NWD1: variants seen among roughly 807,000 people sequenced by gnomAD.
The protein encoded by NWD1 is NACHT and WD repeat domain containing 1.
NWD1 carries 129 observed loss-of-function variants against 135.1 expected under a neutral mutation model. The ratio of observed to expected loss-of-function variants is 0.96; its 90% CI spans 0.83 to 1.11. NWD1 has a LOEUF of 1.11. Among genes scored for constraint, NWD1 ranks in the 50% least tolerant of loss-of-function variants. The probability of loss-of-function intolerance (pLI) is 0.00; values close to 1 mark genes in which losing one functional copy is unlikely to be tolerated. For missense variants in NWD1, 1,740 were observed against 1,851.3 expected (o/e 0.94, Z 1.10); for synonymous variants, 773 against 786.0 (o/e 0.98, Z 0.28).
chr19:16,746,743 T>C (rs571278356), intron 5 of NWD1, among the ~76,000 whole-genome samples: 2 of 151,506 alleles, frequency 1.3e-5, no homozygotes, highest in Admixed American at 6.6e-5. Context: ...ATCTATCATA[T>C]CCTGTTTTCT....
At chr19:16,807,437 G>A in intron 17 of NWD1, 149 bp from the exon 18 acceptor site, 1 of 597,928 alleles carries the variant, frequency 1.7e-6, no homozygotes, top group South Asian at 3.0e-5. Flanking sequence ...AGGTTACGGT[G>A]ACCTGAGATC....
intron 11 of NWD1, among the ~76,000 whole-genome samples, chr19:16,777,840 G>C (rs1344885772): frequency 1.3e-5 from 1 of 79,640 alleles, no homozygotes; most frequent in East Asian, 4.4e-4. Flanking sequence ...GGGAGAGAAG[G>C]GGAGGGGAAA....
chr19:16,762,605 A>C (rs1220411011), intron 8 of NWD1, among the ~76,000 whole-genome samples: 2 of 152,150 alleles, frequency 1.3e-5, no homozygotes, highest in Non-Finnish European at 2.9e-5. Context: ...CTTCTCCCTG[A>C]TGTTAAAATC....
In NWD1 at chr19:16,773,104, AGT is replaced by A. The variant is rs531382907; in HGVS notation, c.2411-21_2411-20del. Reference sequence around the variant, plus strand: ...AGAGGGGGCTCAATCCAGGCAACTTAGTCTACATCCCTTTGTTGCAGAGAGGA... The same window carrying A: ...AGAGGGGGCTCAATCCAGGCAACTTACTACATCCCTTTGTTGCAGAGAGGA... On this transcript the variant is annotated intron_variant, in intron 10 of 18. Transcript: ENST00000524140. 304 of 1,610,458 alleles carry A rather than the reference AGT, an allele frequency of 1.9e-4. No individual in the cohort carries two copies. In the African/African-American group the frequency reaches 3.5e-3, roughly 18 times the overall value.
Position 16,815,543 on chromosome 19 carries a change from T to C in NWD1, c.*504T>C. ...ACTTGCCACCCCCAGGTTAGCAACA[T>C]GGTGGCCAATATGCTGCTGTCTCCA... On this transcript the variant is annotated 3_prime_UTR_variant, in exon 19 of 19. Transcript: ENST00000524140. 1 of 527,610 alleles carries C rather than the reference T, an allele frequency of 1.9e-6. No individual in the cohort carries two copies. Among genetic ancestry groups the C allele is most frequent in the South Asian group, 2.3e-5 (1 of 42,730 alleles). 32.7% of individuals were successfully genotyped at this position (527,610 alleles called of 1,614,324 possible).
At position 16,773,125 on chromosome 19, in the gene NWD1, G is replaced by A. The variant is rs1171510397; in HGVS notation, c.2411-1G>A. ...ACTTAGTCTACATCCCTTTGTTGCA[G>A]AGAGGAGCCTCCTGTACACAGAACT... On this transcript the variant is annotated splice_acceptor_variant, in intron 10 of 18. Coordinates refer to ENST00000524140, the MANE Select transcript of NWD1 (RefSeq NM_001007525.5). LOFTEE classifies it high-confidence loss of function. 2 of 1,613,672 alleles carry A rather than the reference G, an allele frequency of 1.2e-6. No homozygotes were observed. The highest frequency in any genetic ancestry group is 1.7e-6 in the Non-Finnish European group (2 of 1,179,920).
chr19:16,787,905 A>C, intron 12 of NWD1, among the ~76,000 whole-genome samples: 1 of 87,726 alleles, frequency 1.1e-5, no homozygotes, highest in African/African-American at 5.9e-5. Context: ...AATAATAATA[A>C]TCATCATCAT....
intron 13 of NWD1, among the ~76,000 whole-genome samples, 165 bp from the exon 14 acceptor site, chr19:16,791,185 G>T (rs1970232225): frequency 6.6e-6 from 1 of 152,132 alleles, no homozygotes; most frequent in African/African-American, 2.4e-5. Context: ...AGTGAGCCAT[G>T]ATTGCACCAC....
At position 16,815,414 on chromosome 19, in the gene NWD1, GT is replaced by G. The variant is rs1448519511; in HGVS notation, c.*378del. On this transcript the variant is annotated 3_prime_UTR_variant, in exon 19 of 19. Transcript: ENST00000524140. Reference sequence around the variant, plus strand: ...AATCTAGTTAAAGCAAAAAGAATACGTTTGCTGGTGTATATCTGGACCCATG... The same window carrying G: ...AATCTAGTTAAAGCAAAAAGAATACGTTGCTGGTGTATATCTGGACCCATG... The G allele has an allele frequency of 3.2e-6, 2 of 621,748 alleles. No individual in the cohort carries two copies. Among genetic ancestry groups the G allele is most frequent in the African/African-American group, 3.7e-5 (2 of 54,094 alleles). The allele number at this position is 621,748 out of a possible 1,614,324, so 38.5% of individuals were successfully genotyped here.
intron 16 of NWD1, among the ~76,000 whole-genome samples, 167 bp downstream of exon 16, chr19:16,798,053 G>A (rs1970479062): frequency 6.6e-6 from 1 of 152,166 alleles, no homozygotes; most frequent in East Asian, 1.9e-4. Flanking sequence ...CCCAGTGGCA[G>A]ACCTGGGTGA....
At chr19:16,768,456 A>T (rs1969305214) in intron 10 of NWD1, among the ~76,000 whole-genome samples, 2 of 152,222 alleles carry the variant, frequency 1.3e-5, no homozygotes, top group African/African-American at 4.8e-5. Flanking sequence ...TCACTAGATC[A>T]CATGGAAATT....
intron 18 of NWD1, chr19:16,812,744 G>A (rs569021231): frequency 2.6e-6 from 2 of 781,050 alleles, no homozygotes; most frequent in African/African-American, 3.4e-5. Context: ...GTTTTCAACA[G>A]AGTTCTTACT....
At chr19:16,794,406 A>G (rs1469384069) in intron 14 of NWD1, 57 bp from the exon 15 acceptor site, 2 of 944,174 alleles carry the variant, frequency 2.1e-6, no homozygotes, top group South Asian at 3.1e-5. Flanking sequence ...AAAAAATTCC[A>G]GACTTGTAAC....
chr19:16,790,596 C>T (rs1368516079), intron 13 of NWD1, among the ~76,000 whole-genome samples: 3 of 149,500 alleles, frequency 2.0e-5, no homozygotes, highest in African/African-American at 4.9e-5. Flanking sequence ...CAAACCTGCA[C>T]GTTCGGCACA....
intron 7 of NWD1, among the ~76,000 whole-genome samples, chr19:16,760,869 C>T (rs1051758259): frequency 1.3e-5 from 2 of 152,288 alleles, no homozygotes; most frequent in Non-Finnish European, 2.9e-5. Flanking sequence ...GGGTTACAGG[C>T]GTGAGCCACT....
At chr19:16,796,320 G>A (rs1970415920) in intron 15 of NWD1, among the ~76,000 whole-genome samples, 1 of 152,044 alleles carries the variant, frequency 6.6e-6, no homozygotes, top group Admixed American at 6.6e-5. Context: ...AAATTAACTG[G>A]GCATGGTGGC....
At chr19:16,757,590 C>A (rs114706531) in intron 6 of NWD1, among the ~76,000 whole-genome samples, 1 of 152,150 alleles carries the variant, frequency 6.6e-6, no homozygotes, top group Non-Finnish European at 1.5e-5. Context: ...CATGCACAGC[C>A]CTGTTTTGCA....
rs76563274 is a variant in NWD1 at position 16,750,084 on chromosome 19, G to C, written c.1442G>C (p.Arg481Pro). The C allele has an allele frequency of 6.2e-7, 1 of 1,613,968 alleles. No homozygotes were observed. Among genetic ancestry groups the C allele is most frequent in the East Asian group, 2.2e-5 (1 of 44,872 alleles). ...GALGVLDTLQ[R>P]VLLDPEAYWE... Reference sequence around the variant, plus strand: ...CTGGGGGTTTTGGACACCTTGCAGCGGGTGCTCCTGGACCCGGAGGCCTAC... The same window carrying C: ...CTGGGGGTTTTGGACACCTTGCAGCCGGTGCTCCTGGACCCGGAGGCCTAC... The change falls in exon 6 of 19, where the codon CGG becomes CCG. Residue 481 changes from arginine (R) to proline (P), a missense_variant. Transcript: ENST00000524140.
chr19:16,801,580 G>C (rs185733291), intron 17 of NWD1: 1 of 152,214 alleles, frequency 6.6e-6, no homozygotes, highest in Non-Finnish European at 1.5e-5. Flanking sequence ...GCTCGGTGTA[G>C]TGGCTCACAT....
Sources: gnomAD v4.1 joint callset for allele counts (sites outside exome capture counted in the v4.1 genomes callset) on GRCh38, gnomAD v4.1.1 for gene constraint, MANE v1.5 for transcripts, NCBI Gene and HGNC (gene_info 2026-07-23, HGNC 2026-07-21) for gene names.